Variants in PLCZ1 observed in about 807,000 individuals in gnomAD.
PLCZ1 encodes the protein 1-phosphatidylinositol 4,5-bisphosphate phosphodiesterase zeta-1.
PLCZ1 carries 64 observed loss-of-function variants against 76.8 expected under a neutral mutation model. The observed-to-expected ratio is 0.83, with a 90% CI of 0.68 to 1.03. PLCZ1 has a LOEUF of 1.03. Ranked by LOEUF, PLCZ1 falls within the 50% of genes least tolerant of loss-of-function variation. The probability of loss-of-function intolerance (pLI) is 0.00; values close to 1 mark genes in which losing one functional copy is unlikely to be tolerated. For missense variants in PLCZ1, 751 were observed against 713.7 expected, an observed-to-expected ratio of 1.05 and a Z score of -0.60; for synonymous variants, 248 against 230.8, an observed-to-expected ratio of 1.07 and a Z score of -0.68.
the PLCZ1 span, among the ~76,000 whole-genome samples, chr12:18,664,317 G>T: frequency 6.6e-6 from 1 of 152,110 alleles, no homozygotes; most frequent in East Asian, 1.9e-4. Flanking sequence ...AAATATATTT[G>T]TACATCCATG....
chr12:18,671,797 AG>A, the PLCZ1 span, among the ~76,000 whole-genome samples: 1 of 152,152 alleles, frequency 6.6e-6, no homozygotes, highest in African/African-American at 2.4e-5. Context: ...TCATCCATGG[AG>A]GGGCTACAAA....
the PLCZ1 span, among the ~76,000 whole-genome samples, chr12:18,652,805 A>T: frequency 6.6e-6 from 1 of 151,902 alleles, no homozygotes; most frequent in Non-Finnish European, 1.5e-5. Flanking sequence ...AGAAAGAATT[A>T]TTATGTCTCC....
intron 12 of PLCZ1, among the ~76,000 whole-genome samples, chr12:18,689,820 T>G (rs2137103864): frequency 6.6e-6 from 1 of 152,254 alleles, no homozygotes; most frequent in African/African-American, 2.4e-5. Flanking sequence ...CATCAAGAAC[T>G]TAAGAAAGCT....
chr12:18,650,331 C>CTATATATA, the PLCZ1 span, among the ~76,000 whole-genome samples: 35 of 91,956 alleles, frequency 3.8e-4, no homozygotes, highest in Admixed American at 6.1e-4. Context: ...CTCTCTCTCT[C>CTATATATA]TATATATATA....
chr12:18,735,163 G>T (rs1190194622), intron 3 of PLCZ1, among the ~76,000 whole-genome samples: 1 of 152,080 alleles, frequency 6.6e-6, no homozygotes, highest in Non-Finnish European at 1.5e-5. Context: ...CTATTATTTT[G>T]TTGGGGAATT....
rs1329589888 is a variant in PLCZ1, at chr12:18,712,972, C to A, written c.584G>T (p.Gly195Val). Residue 195 changes from glycine to valine, a missense_variant, in exon 6 of 15, where the codon GGA becomes GTA. Transcript: ENST00000266505. Reference protein sequence around the residue: ...LWGYVSALVKGCRCLEIDCWD... With the variant: ...LWGYVSALVKVCRCLEIDCWD... ...GCAGTCAATCTCCAAACAACGGCAT[C>A]CTTTCACAAGGGCACTAGCAAAATT... The A allele has an allele frequency of 1.9e-6, 3 of 1,613,878 alleles. No individual in the cohort carries two copies. Among genetic ancestry groups the A allele is most frequent in the Admixed American group, 3.3e-5 (2 of 59,998 alleles).
At chr12:18,649,098 A>G in the PLCZ1 span, among the ~76,000 whole-genome samples, 1 of 152,024 alleles carries the variant, frequency 6.6e-6, no homozygotes, top group Admixed American at 6.6e-5. Context: ...TTAATTCTGT[A>G]TGTTCTTAGT....
chr12:18,650,641 T>A, the PLCZ1 span, among the ~76,000 whole-genome samples: 23,822 of 138,434 alleles, frequency 0.17, 2,785 homozygotes, highest in African/African-American at 0.3. Flanking sequence ...GAAATACCTA[T>A]TATTTACATA....
chr12:18,711,396 A>C, intron 6 of PLCZ1, among the ~76,000 whole-genome samples: 1 of 46,694 alleles, frequency 2.1e-5, no homozygotes, highest in African/African-American at 9.2e-5. Flanking sequence ...GGGTGGGGGG[A>C]GGGGGGAGGG....
At chr12:18,711,949 TTTA>T (rs1291591519) in intron 6 of PLCZ1, among the ~76,000 whole-genome samples, 1 of 152,146 alleles carries the variant, frequency 6.6e-6, no homozygotes, top group Non-Finnish European at 1.5e-5. Context: ...CTTTGAAATA[TTTA>T]TTTTGTACTC....
chr12:18,693,447 T>A, intron 12 of PLCZ1: 1 of 1,605,764 alleles, frequency 6.2e-7, no homozygotes, highest in African/African-American at 1.3e-5. Flanking sequence ...GGGGTCATTC[T>A]CTGTGGTCCA....
At chr12:18,683,653 T>C (rs943867349) in intron 14 of PLCZ1, 3 of 1,330,690 alleles carry the variant, frequency 2.3e-6, no homozygotes, top group Non-Finnish European at 3.0e-6. Flanking sequence ...GTAAGCATAT[T>C]GAGACAAGGT....
At chr12:18,684,415 A>G in intron 13 of PLCZ1, 136 bp from the exon 14 acceptor site, 2 of 753,294 alleles carry the variant, frequency 2.7e-6, no homozygotes, top group African/African-American at 3.5e-5. Context: ...ATAGGTTTTT[A>G]ATATACTCAG....
chr12:18,656,716 C>CA, the PLCZ1 span, among the ~76,000 whole-genome samples: 1 of 150,334 alleles, frequency 6.7e-6, no homozygotes, highest in African/African-American at 2.5e-5. Flanking sequence ...GCCTGGGTGA[C>CA]AGAGCATGAC....
At chr12:18,725,087 G>A (rs1958675083) in intron 3 of PLCZ1, among the ~76,000 whole-genome samples, 1 of 152,062 alleles carries the variant, frequency 6.6e-6, no homozygotes, top group South Asian at 2.1e-4. Context: ...CACTATAGTT[G>A]ATCAAAATCA....
At chr12:18,684,662 A>G (rs1952820908) in intron 13 of PLCZ1, among the ~76,000 whole-genome samples, 1 of 152,100 alleles carries the variant, frequency 6.6e-6, no homozygotes, top group Non-Finnish European at 1.5e-5. Flanking sequence ...ATCATTATGC[A>G]ATATGACTGA....
chr12:18,658,672 T>C, the PLCZ1 span, among the ~76,000 whole-genome samples: 6 of 152,282 alleles, frequency 3.9e-5, no homozygotes, highest in East Asian at 1.2e-3. Flanking sequence ...CATATATACA[T>C]AACCGACCTG....
downstream of PLCZ1, among the ~76,000 whole-genome samples, chr12:18,682,754 T>C (rs1236810214): frequency 6.6e-6 from 1 of 151,932 alleles, no homozygotes; most frequent in African/African-American, 2.4e-5. Context: ...ATCTAAGAAC[T>C]AGCATAAGAA....
At chr12:18,714,001 T>G (rs1957649276) in intron 5 of PLCZ1, among the ~76,000 whole-genome samples, 1 of 152,188 alleles carries the variant, frequency 6.6e-6, no homozygotes, top group African/African-American at 2.4e-5. Flanking sequence ...GGAAGCTGAT[T>G]GCATTCAGAT....
Sources: allele counts gnomAD v4.1 joint callset (sites outside exome capture counted in the v4.1 genomes callset), GRCh38; gene constraint gnomAD v4.1.1; transcripts MANE v1.5; gene names NCBI Gene and HGNC (gene_info 2026-07-23, HGNC 2026-07-21).